Variants in KIF5C observed in about 807,000 individuals in gnomAD.
KIF5C encodes kinesin heavy chain isoform 5C.
KIF5C carries 18 observed loss-of-function variants against 125.2 expected under a neutral mutation model. The observed-to-expected ratio is 0.14, with a 90% CI of 0.10 to 0.21. The LOEUF (loss-of-function observed/expected upper bound fraction) is 0.21. Among genes scored for constraint, KIF5C ranks in the 10% least tolerant of loss-of-function variants. The pLI is 1.00. For missense variants in KIF5C, 780 were observed against 1,183.8 expected, an observed-to-expected ratio of 0.66 and a Z score of 5.01; for synonymous variants, 405 against 434.0, an observed-to-expected ratio of 0.93 and a Z score of 0.83.
Position 149,024,646 on chromosome 2 carries a change from CTTAAT to C in KIF5C, c.*1580_*1584del, listed in dbSNP as rs1217870692. ...CCCTAGCAAAGCAAACCTGCTTTGA[CTTAAT>C]TTATTTGTTAAATGTTGCACTTTGT... On this transcript the variant is annotated 3_prime_UTR_variant, in exon 26 of 26. Transcript: ENST00000435030. The C allele has an allele frequency of 2.0e-5, 3 of 151,926 alleles. No individual in the cohort carries two copies. Among genetic ancestry groups the C allele is most frequent in the Non-Finnish European group, 4.4e-5 (3 of 67,902 alleles). The allele number at this position is 151,926 out of a possible 1,614,324, so 9.4% of individuals were successfully genotyped here.
In KIF5C at chr2:148,897,918, C is replaced by CAAAAA. The variant is rs55762538; in HGVS notation, c.126+22211_126+22215dup. ...TGGCTGACAGAGTAAGACTCAGTCT[C>CAAAAA]AAAAAAAAAAAAAAAAAAAAAAAAA... On this transcript the variant is annotated intron_variant, in intron 1 of 25. Coordinates refer to ENST00000435030, the MANE Select transcript of KIF5C (RefSeq NM_004522.3). 2.9e-4 allele frequency among the ~76,000 whole-genome samples: 6 copies of CAAAAA among 20,452 alleles called. 1 individual carries two copies. The highest frequency in any genetic ancestry group is 1.2e-3 in the African/African-American group (5 of 4,344). The allele number at this position is 20,452 out of a possible 152,430, so 13.4% of individuals were successfully genotyped here. A position where few individuals can be genotyped will look rare whatever the true frequency, so the allele number is the denominator to read the frequency against.
intron 11 of KIF5C, among the ~76,000 whole-genome samples, chr2:148,967,920 C>A (rs1191171302): frequency 1.3e-5 from 2 of 152,138 alleles, no homozygotes; most frequent in Non-Finnish European, 2.9e-5. Flanking sequence ...CTCATGCTAA[C>A]CTCCTCCCAA....
intron 2 of KIF5C, among the ~76,000 whole-genome samples, chr2:148,928,895 T>C (rs1682103651): frequency 6.6e-6 from 1 of 152,206 alleles, no homozygotes; most frequent in South Asian, 2.1e-4. Flanking sequence ...ATTCTGTTCT[T>C]CATCTCACTC....
At chr2:148,922,755 A>G (rs1185440784) in intron 2 of KIF5C, among the ~76,000 whole-genome samples, 1 of 152,220 alleles carries the variant, frequency 6.6e-6, no homozygotes, top group African/African-American at 2.4e-5. Flanking sequence ...TGGTCTTGCC[A>G]TTCAGCATTC....
intron 1 of KIF5C, among the ~76,000 whole-genome samples, chr2:148,895,266 T>A (rs1681808778): frequency 6.6e-6 from 1 of 152,036 alleles, no homozygotes; most frequent in South Asian, 2.1e-4. Flanking sequence ...GCCCCCTGAG[T>A]AGCTGGGATT....
intron 10 of KIF5C, among the ~76,000 whole-genome samples, chr2:148,960,221 C>T (rs1335960458): frequency 2.0e-5 from 3 of 152,192 alleles, no homozygotes; most frequent in Non-Finnish European, 4.4e-5. Context: ...GCTAAACCTG[C>T]CTGAGTATAG....
At chr2:149,021,495 T>G (rs1486380579) in intron 25 of KIF5C, among the ~76,000 whole-genome samples, 1 of 152,050 alleles carries the variant, frequency 6.6e-6, no homozygotes, top group Non-Finnish European at 1.5e-5. Context: ...CTTTCTAGAC[T>G]GAGAATTTTT....
intron 21 of KIF5C, 32 bp from the exon 22 acceptor site, chr2:149,005,361 G>T: frequency 6.2e-7 from 1 of 1,608,032 alleles, no homozygotes; most frequent in Non-Finnish European, 8.5e-7. Flanking sequence ...GTGAATTGCT[G>T]CACTTAAGTG....
chr2:148,931,196 A>T (rs1558902826), intron 3 of KIF5C, among the ~76,000 whole-genome samples: 1 of 152,208 alleles, frequency 6.6e-6, no homozygotes, highest in Non-Finnish European at 1.5e-5. Flanking sequence ...TGCATTATTT[A>T]AAATCCCCCA....
intron 25 of KIF5C, among the ~76,000 whole-genome samples, chr2:149,021,211 A>C (rs111741821): frequency 2.6e-5 from 4 of 151,850 alleles, no homozygotes; most frequent in East Asian, 1.9e-4. Context: ...TACACATACA[A>C]GCCACCATGC....
intron 14 of KIF5C, among the ~76,000 whole-genome samples, chr2:148,982,595 A>G (rs986141996): frequency 3.3e-5 from 5 of 152,236 alleles, no homozygotes; most frequent in African/African-American, 9.6e-5. Flanking sequence ...GATGGGGACT[A>G]CTGCCTCTGA....
chr2:148,982,603 T>C (rs1401849207), intron 14 of KIF5C, among the ~76,000 whole-genome samples: 4 of 152,226 alleles, frequency 2.6e-5, no homozygotes, highest in Non-Finnish European at 4.4e-5. Context: ...CTACTGCCTC[T>C]GAGGATTTTA....
chr2:148,875,590 C>CCA lies in KIF5C; in HGVS notation c.-27_-26insAC. On this transcript the variant is annotated 5_prime_UTR_variant, in exon 1 of 26. Transcript: ENST00000435030. The stretch of plus-strand genomic sequence containing the variant: ...CCCGGCCCCGGCCCCCCACCCATCC[C>CCA]CGTGCCCCCTCCCTACCGCCGGCCG... The CCA allele has an allele frequency of 7.3e-7, 1 of 1,364,010 alleles. No homozygotes were observed. The highest frequency in any genetic ancestry group is 1.0e-6 in the Non-Finnish European group (1 of 983,638). 84.5% of individuals were successfully genotyped at this position (1,364,010 alleles called of 1,614,324 possible). A position where few individuals can be genotyped will look rare whatever the true frequency, so the allele number is the denominator to read the frequency against.
At position 149,000,494 on chromosome 2, in the gene KIF5C, AAG is replaced by A; in HGVS notation, c.2290_2291del (p.Glu764AsnfsTer12). The A allele has an allele frequency of 1.9e-6, 3 of 1,572,504 alleles. No individual in the cohort carries two copies. Among genetic ancestry groups the A allele is most frequent in the Non-Finnish European group, 2.6e-6 (3 of 1,151,472 alleles). ...TATAACAAGCTGAAAATAGAGGACC[AAG>A]AGAGAGAAATGAAGCTGGAAAAGCT... is the stretch of plus-strand genomic sequence containing the variant. On this transcript the variant is annotated frameshift_variant, in exon 20 of 26. Coordinates refer to ENST00000435030, the MANE Select transcript of KIF5C (RefSeq NM_004522.3). LOFTEE classifies it high-confidence loss of function.
At chr2:148,970,743 G>A (rs1680877489) in intron 11 of KIF5C, among the ~76,000 whole-genome samples, 1 of 152,190 alleles carries the variant, frequency 6.6e-6, no homozygotes, top group African/African-American at 2.4e-5. Flanking sequence ...GTCACTTGCT[G>A]CTAAGGTTAT....
In KIF5C at chr2:148,875,370, C is replaced by A; in HGVS notation, c.-248C>A. ...TGGGCCGGGGGGCGCTGGGCAGGGGCGGGGCAGGGCCAGGGCAGGCCGGTC... is the reference window on the plus strand; with the variant it reads ...TGGGCCGGGGGGCGCTGGGCAGGGGAGGGGCAGGGCCAGGGCAGGCCGGTC... On this transcript the variant is annotated 5_prime_UTR_variant, in exon 1 of 26. Coordinates refer to ENST00000435030, the MANE Select transcript of KIF5C (RefSeq NM_004522.3). The A allele has an allele frequency of 2.5e-6, 1 of 396,622 alleles. No individual in the cohort carries two copies. The highest frequency in any genetic ancestry group is 5.1e-5 in the South Asian group (1 of 19,606). 24.6% of individuals were successfully genotyped at this position (396,622 alleles called of 1,614,324 possible).
At chr2:148,984,130 T>C (rs1321284792) in intron 15 of KIF5C, among the ~76,000 whole-genome samples, 1 of 152,244 alleles carries the variant, frequency 6.6e-6, no homozygotes, top group Non-Finnish European at 1.5e-5. Flanking sequence ...TTTTTCCTTT[T>C]CTGAAAGAAC....
rs558175659 is a variant in KIF5C, at chr2:148,896,851, G to C, written c.126+21108G>C. On this transcript the variant is annotated intron_variant, in intron 1 of 25. Coordinates refer to ENST00000435030, the MANE Select transcript of KIF5C (RefSeq NM_004522.3). ...TCTCTCTCTCTCTCTCTTTCTTTCT[G>C]ATGGAGTCTCACTCTGTCACCCAGG... Among the ~76,000 whole-genome samples, 3 of 151,540 alleles carry C rather than the reference G, an allele frequency of 2.0e-5. No homozygotes were observed. The East Asian group carries it at 5.8e-4, about 30-fold the overall frequency.
chr2:148,941,497 CTCT>C, intron 4 of KIF5C, 110 bp from the exon 5 acceptor site: 1 of 1,395,880 alleles, frequency 7.2e-7, no homozygotes, highest in Non-Finnish European at 9.7e-7. Context: ...CTTTGAACCC[CTCT>C]TCTTACTCTT....
Sources: allele counts gnomAD v4.1 joint callset (sites outside exome capture counted in the v4.1 genomes callset), GRCh38; gene constraint gnomAD v4.1.1; transcripts MANE v1.5; gene names NCBI Gene and HGNC (gene_info 2026-07-23, HGNC 2026-07-21).